Variants in EYS observed in about 807,000 individuals in gnomAD.
EYS encodes EGF-like photoreceptor maintenance factor.
Under a neutral mutation model 282.1 loss-of-function variants are expected in EYS, and 250 were observed. The ratio of observed to expected loss-of-function variants is 0.89; its 90% CI spans 0.80 to 0.98. The LOEUF (loss-of-function observed/expected upper bound fraction) is 0.98. EYS is among the 50% of genes least tolerant of loss of function. The pLI is 0.00. For missense variants in EYS, 4,016 were observed against 3,709.0 expected (o/e 1.08, Z -2.15); for synonymous variants, 1,355 against 1,282.9 (o/e 1.06, Z -1.20).
chr6:65,592,525 G>A (rs1395324768), intron 2 of EYS, among the ~76,000 whole-genome samples: 1 of 151,890 alleles, frequency 6.6e-6, no homozygotes, highest in African/African-American at 2.4e-5. Context: ...CATTTATCAT[G>A]AGCAGGTATA....
At chr6:64,137,575 A>G (rs1774203183) in intron 31 of EYS, among the ~76,000 whole-genome samples, 2 of 152,146 alleles carry the variant, frequency 1.3e-5, no homozygotes, top group South Asian at 4.1e-4. Context: ...TTGGCCTAAT[A>G]TCAGTATCAT....
chr6:65,128,198 T>C (rs1021721311), intron 12 of EYS, among the ~76,000 whole-genome samples: 1 of 151,918 alleles, frequency 6.6e-6, no homozygotes, highest in African/African-American at 2.4e-5. Context: ...AAGAAAAATA[T>C]TCAAAGTTAT....
In EYS at chr6:63,789,925, C is replaced by T. The variant is rs537121478; in HGVS notation, c.7412-701G>A. 3.5e-4 allele frequency among the ~76,000 whole-genome samples: 53 copies of T among 152,126 alleles called. 1 individual carries two copies. The highest frequency in any genetic ancestry group is 7.9e-4 in the Admixed American group (12 of 15,280). The stretch of plus-strand genomic sequence containing the variant: ...GGGAAGGTGCTAGCAGTATCCTTGG[C>T]GGGATTAAGAAGTTCTGGGATGATC... On this transcript the variant is annotated intron_variant, in intron 37 of 42. Transcript: ENST00000503581.
intron 13 of EYS, among the ~76,000 whole-genome samples, chr6:65,043,184 T>C (rs1169227160): frequency 1.3e-5 from 2 of 151,652 alleles, no homozygotes; most frequent in Non-Finnish European, 3.0e-5. Flanking sequence ...AATTAATATA[T>C]CTATTACTTC....
At chr6:65,382,213 G>GTTTTT (rs67123749) in intron 8 of EYS, among the ~76,000 whole-genome samples, 13 of 105,002 alleles carry the variant, frequency 1.2e-4, no homozygotes, top group East Asian at 2.9e-4. Flanking sequence ...ATCCTTTGGT[G>GTTTTT]TTTTTTTTTT....
intron 7 of EYS, among the ~76,000 whole-genome samples, chr6:65,389,020 T>A (rs1304719508): frequency 6.6e-6 from 1 of 152,132 alleles, no homozygotes; most frequent in Non-Finnish European, 1.5e-5. Flanking sequence ...TCTCCAATTC[T>A]AATCTAAGTC....
chr6:65,200,206 A>T (rs1765866455), intron 12 of EYS, among the ~76,000 whole-genome samples: 1 of 148,058 alleles, frequency 6.8e-6, no homozygotes, highest in Non-Finnish European at 1.5e-5. Flanking sequence ...TGTGTGACTG[A>T]GTGAATTGTG....
intron 12 of EYS, among the ~76,000 whole-genome samples, chr6:65,140,434 G>A (rs1764299911): frequency 1.3e-5 from 2 of 151,968 alleles, no homozygotes; most frequent in Admixed American, 1.3e-4. Flanking sequence ...CAGAGTCCCA[G>A]AGGAAAGGAG....
chr6:64,117,386 A>T (rs1773424469), intron 31 of EYS, among the ~76,000 whole-genome samples: 1 of 150,646 alleles, frequency 6.6e-6, no homozygotes, highest in Admixed American at 6.6e-5. Context: ...TGAAGGAAAT[A>T]GAAACTAGAT....
intron 14 of EYS, among the ~76,000 whole-genome samples, chr6:64,961,247 TG>T (rs1270204581): frequency 3.3e-5 from 5 of 152,192 alleles, no homozygotes; most frequent in Admixed American, 1.3e-4. Context: ...CCACAGTGGT[TG>T]AACTAATTGA....
chr6:63,817,794 G>T (rs151015706), intron 36 of EYS, among the ~76,000 whole-genome samples: 1 of 152,302 alleles, frequency 6.6e-6, no homozygotes, highest in Non-Finnish European at 1.5e-5. Flanking sequence ...CTTGCTTGCC[G>T]CCTGCCCTGC....
chr6:64,221,755 G>C (rs749361895), intron 31 of EYS, among the ~76,000 whole-genome samples: 7 of 152,008 alleles, frequency 4.6e-5, no homozygotes, highest in Admixed American at 1.3e-4. Context: ...CATCCCACCT[G>C]GGATGTGAAA....
intron 15 of EYS, among the ~76,000 whole-genome samples, chr6:64,944,259 T>A (rs1174973313): frequency 6.6e-6 from 1 of 152,000 alleles, no homozygotes; most frequent in African/African-American, 2.4e-5. Context: ...CCTCTGACTA[T>A]AAGAATCCTA....
chr6:64,799,615 G>A (rs1774473320), intron 22 of EYS, among the ~76,000 whole-genome samples: 1 of 150,218 alleles, frequency 6.7e-6, no homozygotes. Flanking sequence ...CATATCTGAT[G>A]CAATCTATAC....
intron 22 of EYS, among the ~76,000 whole-genome samples, chr6:64,691,846 G>A (rs554864082): frequency 1.8e-4 from 28 of 152,076 alleles, no homozygotes; most frequent in Non-Finnish European, 4.0e-4. Flanking sequence ...CTTTTATATG[G>A]TAGCATAGTA....
At chr6:64,193,809 G>T (rs751062607) in intron 31 of EYS, among the ~76,000 whole-genome samples, 25 of 152,042 alleles carry the variant, frequency 1.6e-4, no homozygotes, top group Non-Finnish European at 2.9e-4. Flanking sequence ...CTTCATCCAT[G>T]TCCCTACAAA....
chr6:64,365,225 C>T (rs1276023362), intron 29 of EYS, among the ~76,000 whole-genome samples: 1 of 151,834 alleles, frequency 6.6e-6, no homozygotes, highest in Non-Finnish European at 1.5e-5. Flanking sequence ...GAGAAAAAAG[C>T]AGGAATACAG....
chr6:64,256,712 G>A (rs1225783655), intron 30 of EYS, among the ~76,000 whole-genome samples: 1 of 152,004 alleles, frequency 6.6e-6, no homozygotes, highest in Non-Finnish European at 1.5e-5. Context: ...AGCAAAAGTA[G>A]TAATTAGATT....
At chr6:64,102,519 C>A (rs1225365363) in intron 31 of EYS, among the ~76,000 whole-genome samples, 2 of 152,042 alleles carry the variant, frequency 1.3e-5, no homozygotes, top group African/African-American at 2.4e-5. Flanking sequence ...TTGATTATAT[C>A]AAATACTCTA....
Sources: allele counts gnomAD v4.1 joint callset (sites outside exome capture counted in the v4.1 genomes callset), GRCh38; gene constraint gnomAD v4.1.1; transcripts MANE v1.5; gene names NCBI Gene and HGNC (gene_info 2026-07-23, HGNC 2026-07-21).